The following STPG2 variants were observed in gnomAD, a reference collection of about 807,000 sequenced individuals.
STPG2 encodes sperm-tail PG-rich repeat-containing protein 2.
A neutral mutation model predicts 54.2 loss-of-function variants in STPG2; 56 were observed. The ratio of observed to expected loss-of-function variants is 1.03; its 90% confidence interval spans 0.83 to 1.29. The LOEUF is 1.29. Ranked by LOEUF, STPG2 falls within the 50% of genes most tolerant of loss-of-function variation. The pLI, the probability that STPG2 is intolerant of heterozygous loss-of-function variation, is 0.00. For synonymous variants in STPG2, 200 were observed against 181.8 expected (o/e 1.10, Z -0.81); for missense variants, 596 against 544.9 (o/e 1.09, Z -0.93).
chr4:97,631,639 C>T (rs1313258752), intron 10 of STPG2, among the ~76,000 whole-genome samples: 1 of 151,892 alleles, frequency 6.6e-6, no homozygotes, highest in Non-Finnish European at 1.5e-5. Flanking sequence ...TTGAAGACAC[C>T]TAAAGCAAAA....
chr4:97,736,999 C>A (rs1183152602), intron 9 of STPG2, among the ~76,000 whole-genome samples: 1 of 152,166 alleles, frequency 6.6e-6, no homozygotes, highest in Non-Finnish European at 1.5e-5. Context: ...GCCGGGTACT[C>A]CTCTGAGACA....
At chr4:98,128,953 C>T (rs773306761) in intron 2 of STPG2, among the ~76,000 whole-genome samples, 1 of 152,012 alleles carries the variant, frequency 6.6e-6, no homozygotes, top group Non-Finnish European at 1.5e-5. Flanking sequence ...AGGCTGGTCT[C>T]GAACTCCTGA....
In STPG2 at chr4:98,099,488, A is replaced by G. The variant is rs556749311; in HGVS notation, c.612+6465T>C. Among the ~76,000 whole-genome samples the G allele has an allele frequency of 6.4e-4, 98 of 152,316 alleles. 1 individual carries two copies. The highest frequency in any genetic ancestry group is 8.3e-4 in the South Asian group (4 of 4,832). On this transcript the variant is annotated intron_variant, in intron 5 of 10. Coordinates refer to ENST00000295268, the MANE Select transcript of STPG2 (RefSeq NM_174952.3). ...CTGGGATGGCCAGGGGATGAGGCTC[A>G]CAAGGAGGTGGGGATGGTTACTGGG...
intron 9 of STPG2, among the ~76,000 whole-genome samples, chr4:97,738,032 C>T (rs1725075850): frequency 6.6e-6 from 1 of 152,106 alleles, no homozygotes; most frequent in Admixed American, 6.5e-5. Context: ...ACTCTACAAG[C>T]CAGAAGAGAG....
At chr4:97,746,149 C>A (rs1374956528) in intron 9 of STPG2, among the ~76,000 whole-genome samples, 1 of 151,170 alleles carries the variant, frequency 6.6e-6, no homozygotes, top group African/African-American at 2.4e-5. Flanking sequence ...CACACAGATT[C>A]ATAAGAATTA....
At chr4:97,900,246 T>A (rs1043599237) in intron 8 of STPG2, among the ~76,000 whole-genome samples, 4 of 152,140 alleles carry the variant, frequency 2.6e-5, no homozygotes, top group Non-Finnish European at 4.4e-5. Flanking sequence ...CCAGTCAGAA[T>A]GGCTATTGTT....
intron 8 of STPG2, among the ~76,000 whole-genome samples, chr4:97,848,337 A>G (rs947743612): frequency 1.4e-4 from 21 of 152,188 alleles, no homozygotes; most frequent in Non-Finnish European, 2.9e-4. Context: ...TACTTTGCTT[A>G]CATAAGGGCA....
At chr4:97,664,478 G>A (rs1722462343) in intron 10 of STPG2, among the ~76,000 whole-genome samples, 1 of 152,236 alleles carries the variant, frequency 6.6e-6, no homozygotes, top group South Asian at 2.1e-4. Context: ...AAGCTCCAGA[G>A]TTCTTTCTCT....
At chr4:97,746,565 T>C (rs1046747706) in intron 9 of STPG2, among the ~76,000 whole-genome samples, 3 of 151,268 alleles carry the variant, frequency 2.0e-5, no homozygotes, top group African/African-American at 4.8e-5. Context: ...TGGGTCACAG[T>C]TGTGTCAGGA....
intron 10 of STPG2, among the ~76,000 whole-genome samples, chr4:97,681,824 T>G (rs915884912): frequency 3.3e-5 from 5 of 151,872 alleles, no homozygotes; most frequent in Non-Finnish European, 7.4e-5. Flanking sequence ...TGTCTTTTTC[T>G]TCTGTGATGT....
intron 10 of STPG2, among the ~76,000 whole-genome samples, chr4:97,631,262 G>T (rs934762710): frequency 6.6e-6 from 1 of 152,044 alleles, no homozygotes; most frequent in Middle Eastern, 3.4e-3. Flanking sequence ...TCAGAAGAAA[G>T]AAATTAGTTT....
chr4:97,712,719 G>GAGTA lies in STPG2; in HGVS notation c.1296_1299dup (p.Pro434TyrfsTer8). On this transcript the variant is annotated frameshift_variant, in exon 10 of 11. Coordinates refer to ENST00000295268, the MANE Select transcript of STPG2 (RefSeq NM_174952.3). LOFTEE classifies it high-confidence loss of function. ...CAAACCTCATATGTTGCTGGGCCTG[G>GAGTA]AGTAATCTCTTTGGACTCTTCAAAG... The GAGTA allele has an allele frequency of 6.3e-7, 1 of 1,596,436 alleles. No individual in the cohort carries two copies. Among genetic ancestry groups the GAGTA allele is most frequent in the Non-Finnish European group, 8.5e-7 (1 of 1,170,302 alleles).
chr4:97,913,283 C>T (rs1047893695), intron 8 of STPG2, among the ~76,000 whole-genome samples: 3 of 152,084 alleles, frequency 2.0e-5, no homozygotes, highest in Admixed American at 6.5e-5. Context: ...CCCTCAAAAC[C>T]GGTATCTGCC....
At chr4:97,783,715 C>T (rs1726728077) in intron 9 of STPG2, among the ~76,000 whole-genome samples, 1 of 152,120 alleles carries the variant, frequency 6.6e-6, no homozygotes, top group African/African-American at 2.4e-5. Flanking sequence ...GAAAATGTGG[C>T]ACATACCCCA....
rs974255312 is a variant in STPG2 at position 97,596,053 on chromosome 4, A to G, written c.1321-36936T>C. Reference sequence around the variant, plus strand: ...CACATGCAATAACACACAAATGCTCAAAGTAAATATATGAAGAAAAATCTA... The same window carrying G: ...CACATGCAATAACACACAAATGCTCGAAGTAAATATATGAAGAAAAATCTA... On this transcript the variant is annotated intron_variant, in intron 10 of 10. Transcript: ENST00000295268. 5.3e-5 allele frequency among the ~76,000 whole-genome samples: 8 copies of G among 152,324 alleles called. No homozygotes were observed. In the East Asian group the frequency reaches 1.2e-3, roughly 22 times the overall value.
intron 7 of STPG2, among the ~76,000 whole-genome samples, chr4:97,959,285 G>C (rs1477255790): frequency 6.6e-6 from 1 of 151,782 alleles, no homozygotes; most frequent in African/African-American, 2.4e-5. Context: ...AGCACAAACA[G>C]ACAATCTAAG....
At chr4:97,620,924 T>C (rs776199816) in intron 10 of STPG2, among the ~76,000 whole-genome samples, 8 of 152,046 alleles carry the variant, frequency 5.3e-5, no homozygotes, top group Non-Finnish European at 1.2e-4. Context: ...CCTAAAATCA[T>C]ACTGAGCATA....
chr4:97,945,570 A>G (rs1303135998), intron 7 of STPG2, among the ~76,000 whole-genome samples: 1 of 152,118 alleles, frequency 6.6e-6, no homozygotes. Context: ...CATTGGGTAA[A>G]TACCCAGTAG....
chr4:97,803,077 T>C (rs1042395393), intron 9 of STPG2, among the ~76,000 whole-genome samples: 2 of 152,166 alleles, frequency 1.3e-5, no homozygotes, highest in Non-Finnish European at 2.9e-5. Flanking sequence ...AATAAGACTA[T>C]TATTGGAAAA....
Sources: allele counts gnomAD v4.1 joint callset (sites outside exome capture counted in the v4.1 genomes callset), GRCh38; gene constraint gnomAD v4.1.1; transcripts MANE v1.5; gene names NCBI Gene and HGNC (gene_info 2026-07-23, HGNC 2026-07-21).